Variants in EXOC4 observed in about 807,000 individuals in gnomAD.
EXOC4 encodes the protein SEC8-like 1.
A neutral mutation model predicts 107.2 loss-of-function variants in EXOC4; 71 were observed. The ratio of observed to expected loss-of-function variants is 0.66; its 90% CI spans 0.55 to 0.81. The LOEUF is 0.81. Among genes scored for constraint, EXOC4 ranks in the 30% least tolerant of loss-of-function variants. EXOC4 has a pLI of 0.00. For missense variants in EXOC4, 1,108 were observed against 1,189.6 expected, an observed-to-expected ratio of 0.93 and a Z score of 1.01; for synonymous variants, 456 against 441.2, an observed-to-expected ratio of 1.03 and a Z score of -0.42.
At chr7:133,433,287 G>A (rs1797895649) in intron 7 of EXOC4, among the ~76,000 whole-genome samples, 1 of 152,164 alleles carries the variant, frequency 6.6e-6, no homozygotes, top group African/African-American at 2.4e-5. Context: ...AGAGCAGTCT[G>A]TTTCGTCATC....
intron 7 of EXOC4, among the ~76,000 whole-genome samples, chr7:133,451,137 C>T (rs554561502): frequency 5.9e-5 from 9 of 152,224 alleles, no homozygotes; most frequent in Non-Finnish European, 1.2e-4. Context: ...AACTCTCTTC[C>T]GTTGACCTTG....
At chr7:133,707,609 T>TTTTATTTA (rs1465944007) in intron 10 of EXOC4, among the ~76,000 whole-genome samples, 2 of 151,988 alleles carry the variant, frequency 1.3e-5, no homozygotes, top group African/African-American at 4.8e-5. Flanking sequence ...GCCCTTTATT[T>TTTTATTTA]TTTATTTATT....
At chr7:133,515,512 T>C (rs1025987981) in intron 9 of EXOC4, among the ~76,000 whole-genome samples, 1 of 152,124 alleles carries the variant, frequency 6.6e-6, no homozygotes, top group African/African-American at 2.4e-5. Flanking sequence ...TCTGTTACCT[T>C]GGCTGGATTA....
chr7:134,053,879 C>T (rs1795859870), intron 17 of EXOC4, among the ~76,000 whole-genome samples: 2 of 152,068 alleles, frequency 1.3e-5, no homozygotes, highest in African/African-American at 2.4e-5. Context: ...CTATGAAGTA[C>T]AACAAAGACA....
At chr7:133,735,322 T>C (rs566441662) in intron 10 of EXOC4, among the ~76,000 whole-genome samples, 39 of 150,004 alleles carry the variant, frequency 2.6e-4, no homozygotes, top group African/African-American at 8.0e-4. Context: ...GTTTAAGCAG[T>C]GCTTTTTCTT....
intron 10 of EXOC4, among the ~76,000 whole-genome samples, chr7:133,801,311 A>G (rs1334545267): frequency 1.3e-5 from 2 of 152,172 alleles, no homozygotes; most frequent in Admixed American, 6.5e-5. Context: ...TCAATTATTT[A>G]TGGTTTAAAT....
the EXOC4 span, among the ~76,000 whole-genome samples, chr7:134,085,110 T>A: frequency 4.6e-5 from 7 of 152,282 alleles, no homozygotes; most frequent in African/African-American, 1.4e-4. Context: ...AATTAGGTTT[T>A]TAATCTTGTC....
chr7:134,071,233 A>G (rs1318883715), downstream of EXOC4, among the ~76,000 whole-genome samples: 2 of 152,214 alleles, frequency 1.3e-5, no homozygotes, highest in Non-Finnish European at 2.9e-5. Flanking sequence ...TTTGCACCAG[A>G]TCTGGTAAGT....
intron 4 of EXOC4, among the ~76,000 whole-genome samples, chr7:133,314,677 C>T (rs1794949407): frequency 6.6e-6 from 1 of 152,176 alleles, no homozygotes; most frequent in South Asian, 2.1e-4. Flanking sequence ...GATAAATACA[C>T]ATATAAAAAT....
intron 11 of EXOC4, among the ~76,000 whole-genome samples, chr7:133,857,652 C>T: frequency 6.6e-6 from 1 of 151,776 alleles, no homozygotes; most frequent in Non-Finnish European, 1.5e-5. Context: ...ACCCCAGCTG[C>T]TGCGGCAGGG....
intron 17 of EXOC4, among the ~76,000 whole-genome samples, chr7:134,034,070 T>C (rs1168154455): frequency 1.4e-5 from 2 of 143,968 alleles, no homozygotes; most frequent in Non-Finnish European, 3.1e-5. Context: ...GAAAACGTCG[T>C]GTCTAAAAGA....
At chr7:133,471,520 GC>G (rs1798878276) in intron 7 of EXOC4, among the ~76,000 whole-genome samples, 1 of 152,004 alleles carries the variant, frequency 6.6e-6, no homozygotes, top group Non-Finnish European at 1.5e-5. Context: ...GACAAGAGAG[GC>G]AAACAATGAA....
intron 10 of EXOC4, among the ~76,000 whole-genome samples, chr7:133,743,115 T>C (rs2151130459): frequency 1.3e-5 from 2 of 152,304 alleles, no homozygotes; most frequent in Middle Eastern, 3.4e-3. Context: ...TCTGTTCTTA[T>C]CATAGTAGCA....
At chr7:133,994,876 G>T (rs1425994025) in intron 14 of EXOC4, among the ~76,000 whole-genome samples, 1 of 152,054 alleles carries the variant, frequency 6.6e-6, no homozygotes, top group Admixed American at 6.6e-5. Flanking sequence ...ACATTGAAGA[G>T]CTAGTTAATT....
chr7:133,604,816 C>T (rs569142698), intron 9 of EXOC4, among the ~76,000 whole-genome samples: 4 of 146,818 alleles, frequency 2.7e-5, no homozygotes, highest in South Asian at 4.3e-4. Context: ...CCCCACCTCC[C>T]GGATTTAAGT....
At chr7:133,546,743 C>A (rs1351129365) in intron 9 of EXOC4, among the ~76,000 whole-genome samples, 1 of 152,028 alleles carries the variant, frequency 6.6e-6, no homozygotes, top group African/African-American at 2.4e-5. Flanking sequence ...TTGTAGATAC[C>A]ATTCTATTCT....
At chr7:133,984,007 A>G (rs1794055983) in intron 14 of EXOC4, among the ~76,000 whole-genome samples, 1 of 152,176 alleles carries the variant, frequency 6.6e-6, no homozygotes, top group East Asian at 1.9e-4. Context: ...TAAAGGAAAA[A>G]TCAATCGTAA....
intron 11 of EXOC4, among the ~76,000 whole-genome samples, chr7:133,849,924 T>C (rs1409891238): frequency 6.6e-6 from 1 of 152,222 alleles, no homozygotes; most frequent in Non-Finnish European, 1.5e-5. Context: ...CTATAAACAT[T>C]CATCACTAAG....
At chr7:133,595,343 TC>T (rs762530407) in intron 9 of EXOC4, among the ~76,000 whole-genome samples, 1 of 152,212 alleles carries the variant, frequency 6.6e-6, no homozygotes, top group Non-Finnish European at 1.5e-5. Flanking sequence ...TCTCTACCTT[TC>T]CCCTGTCTTT....
Sources: gnomAD v4.1 joint callset for allele counts (sites outside exome capture counted in the v4.1 genomes callset) on GRCh38, gnomAD v4.1.1 for gene constraint, MANE v1.5 for transcripts, NCBI Gene and HGNC (gene_info 2026-07-23, HGNC 2026-07-21) for gene names.